The following CARNS1 variants were observed in gnomAD, a reference collection of about 807,000 sequenced individuals.
CARNS1 encodes carnosine synthase 1.
In CARNS1, 61 loss-of-function variants were observed where a neutral mutation model predicts 74.0. The observed-to-expected ratio is 0.82, with a 90% CI of 0.67 to 1.02. CARNS1 has a LOEUF of 1.02. Ranked by LOEUF, CARNS1 falls within the 50% of genes least tolerant of loss-of-function variation. The pLI, the probability that CARNS1 is intolerant of heterozygous loss-of-function variation, is 0.00. For synonymous variants in CARNS1, 568 were observed against 605.5 expected, an observed-to-expected ratio of 0.94 and a Z score of 0.91; for missense variants, 1,278 against 1,308.4, an observed-to-expected ratio of 0.98 and a Z score of 0.36.
At position 67,420,642 on chromosome 11, in the gene CARNS1, C is replaced by A; in HGVS notation, c.1147C>A (p.Leu383Ile). 8.0e-7 allele frequency: 1 copy of A among 1,246,092 alleles called. No individual in the cohort carries two copies. The highest frequency in any genetic ancestry group is 1.0e-6 in the Non-Finnish European group (1 of 996,112). The allele number at this position is 1,246,092 out of a possible 1,614,324, so 77.2% of individuals were successfully genotyped here. ...VCGVGRGDRP[L>I]RHHNSLPRTL... ...CGGCGTGGGCCGCGGGGACCGCCCTCTACGGCACCACAACTCCCTGCCGAG... is the reference window on the plus strand; with the variant it reads ...CGGCGTGGGCCGCGGGGACCGCCCTATACGGCACCACAACTCCCTGCCGAG... The change falls in exon 8 of 10, where the codon CTA becomes ATA. Residue 383 changes from leucine to isoleucine, a missense_variant. Leu to Ile is a conservative substitution (Grantham distance 5). Around this residue, in one of 3 missense-constraint regions of CARNS1, gnomAD observed 1,164 missense variants for 1,156.5 expected, o/e 1.01. Transcript: ENST00000687366.
chr11:67,416,829 A>AG (rs1364946376), intron 2 of CARNS1: 5 of 986,390 alleles, frequency 5.1e-6, no homozygotes, highest in Non-Finnish European at 4.8e-6. Context: ...AAATATCTGC[A>AG]GGGGGGATAC....
chr11:67,418,184 C>T lies in CARNS1; in HGVS notation c.275-247C>T, dbSNP rs117785057. Among the ~76,000 whole-genome samples, 540 of 152,290 alleles carry T rather than the reference C, an allele frequency of 3.5e-3. 3 individuals carry two copies. The highest frequency in any genetic ancestry group is 0.016 in the East Asian group (81 of 5,182). On this transcript the variant is annotated intron_variant, in intron 3 of 9. Coordinates refer to ENST00000687366, the MANE Select transcript of CARNS1 (RefSeq NM_001166222.2). The stretch of plus-strand genomic sequence containing the variant: ...CAAGGTTACACAGAAAGTCAGAGCT[C>T]GGGCTAGAACTCAGGTCTCCAGTCA...
chr11:67,422,291 C>A (rs1863730919), intron 9 of CARNS1, among the ~76,000 whole-genome samples: 1 of 144,192 alleles, frequency 6.9e-6, no homozygotes, highest in South Asian at 2.2e-4. Flanking sequence ...TCAAGTGATT[C>A]TCGTGCCTCA....
chr11:67,424,701 C>A lies in CARNS1; in HGVS notation c.*100C>A. ...TGCTTCTCTCCCCATCACCATGCCC[C>A]AGCCCCAGCCTGGCCCGCTGCAATG... is the stretch of plus-strand genomic sequence containing the variant. On this transcript the variant is annotated 3_prime_UTR_variant, in exon 10 of 10. Transcript: ENST00000687366. 7.6e-7 allele frequency: 1 copy of A among 1,314,694 alleles called. No individual in the cohort carries two copies. Among genetic ancestry groups the A allele is most frequent in the Non-Finnish European group, 1.0e-6 (1 of 980,446 alleles). 81.4% of individuals were successfully genotyped at this position (1,314,694 alleles called of 1,614,324 possible).
chr11:67,421,279 AC>A, intron 9 of CARNS1, 60 bp downstream of exon 9: 1 of 1,367,486 alleles, frequency 7.3e-7, no homozygotes, highest in Non-Finnish European at 9.4e-7. Flanking sequence ...TGGAGGCGGG[AC>A]CCCGGGGCGG....
At position 67,421,178 on chromosome 11, in the gene CARNS1, A is replaced by G; in HGVS notation, c.1585A>G (p.Lys529Glu). The change falls in exon 9 of 10, where the codon AAG (lysine) becomes GAG (glutamate). Residue 529 changes from lysine to glutamate, a missense_variant. Lys to Glu is a moderately conservative substitution (Grantham distance 56). Coordinates refer to ENST00000687366, the MANE Select transcript of CARNS1 (RefSeq NM_001166222.2). ...GGTGGTCGGCGCTGGCGGCGTCAGC[A>G]AGAAGTTCGTGTGGGAGGCGGCGCG... ...LLVVGAGGVS[K>E]KFVWEAARDY... 1 of 1,496,492 alleles carries G rather than the reference A, an allele frequency of 6.7e-7. No homozygotes were observed. 92.7% of individuals were successfully genotyped at this position (1,496,492 alleles called of 1,614,324 possible).
chr11:67,420,709 A>G lies in CARNS1; in HGVS notation c.1214A>G (p.Glu405Gly). ...VALAQCGLGEEAQVAAVRQRV... is the reference protein window; with the variant it reads ...VALAQCGLGEGAQVAAVRQRV... ...CTGGCCCAGTGCGGCCTGGGCGAGG[A>G]GGCGCAGGTGGCGGCTGTGCGGCAG... Residue 405 changes from glutamate (E) to glycine (G), a missense_variant, in exon 8 of 10, where the codon GAG becomes GGG. This residue lies in a region of CARNS1 where 1,164 missense variants were observed against 1,156.5 expected (regional missense o/e 1.01). Transcript: ENST00000687366. The G allele has an allele frequency of 7.9e-7, 1 of 1,266,424 alleles. No individual in the cohort carries two copies. Among genetic ancestry groups the G allele is most frequent in the South Asian group, 3.2e-5 (1 of 31,702 alleles). The allele number at this position is 1,266,424 out of a possible 1,614,324, so 78.4% of individuals were successfully genotyped here. A position where few individuals can be genotyped will look rare whatever the true frequency, so the allele number is the denominator to read the frequency against.
chr11:67,421,189 G>C lies in CARNS1; in HGVS notation c.1596G>C (p.Val532=). The C allele has an allele frequency of 6.7e-7, 1 of 1,494,734 alleles. No individual in the cohort carries two copies. The highest frequency in any genetic ancestry group is 8.9e-7 in the Non-Finnish European group (1 of 1,128,158). The allele number at this position is 1,494,734 out of a possible 1,614,324, so 92.6% of individuals were successfully genotyped here. Residue 532 remains valine (V), a synonymous_variant, in exon 9 of 10, where the codon GTG becomes GTC. Transcript: ENST00000687366. The part of the protein sequence containing the change: ...VGAGGVSKKF[V]WEAARDYGLQ... ...CTGGCGGCGTCAGCAAGAAGTTCGT[G>C]TGGGAGGCGGCGCGCGACTACGGGC...
At chr11:67,420,462 G>A (rs1863665349) in intron 7 of CARNS1, 147 bp from the exon 8 acceptor site, 10 of 435,934 alleles carry the variant, frequency 2.3e-5, no homozygotes, top group Admixed American at 4.4e-5. Context: ...GGCAGGGAGA[G>A]CTCGTGTGCA....
Position 67,424,648 on chromosome 11 carries a change from GGTGCCCTCT to G in CARNS1, c.*49_*57del. On this transcript the variant is annotated 3_prime_UTR_variant, in exon 10 of 10. Transcript: ENST00000687366. ...AAGCAGTGCTGGGTGGAGGCACTGT[GGTGCCCTCT>G]GCTCCCTGGAGCTCTTCCTGCTTCT... 1 of 1,538,656 alleles carries G rather than the reference GGTGCCCTCT, an allele frequency of 6.5e-7. No individual in the cohort carries two copies. Among genetic ancestry groups the G allele is most frequent in the Non-Finnish European group, 8.8e-7 (1 of 1,142,282 alleles).
rs749441377 is a variant in CARNS1 at position 67,419,488 on chromosome 11, T to C, written c.854T>C (p.Val285Ala). 4.3e-6 allele frequency: 7 copies of C among 1,612,130 alleles called. No individual in the cohort carries two copies. Among genetic ancestry groups the C allele is most frequent in the Middle Eastern group, 1.7e-4 (1 of 6,038 alleles). Residue 285 changes from valine (V) to alanine (A), a missense_variant and splice_region_variant, in exon 6 of 10, where the codon GTA becomes GCA. Transcript: ENST00000687366. ...GCCCCTTTCCCCTCCTTGCTGCAGG[T>C]AGCTGTGAAGCTCAGTGGCTGGCGC... Reference protein sequence around the residue: ...RSEALGDILQVAVKLSGWRWR... With the variant: ...RSEALGDILQAAVKLSGWRWR...
rs1179019591 is a variant in CARNS1 at position 67,420,110 on chromosome 11, G to A, written c.1113+272G>A. Among the ~76,000 whole-genome samples the A allele has an allele frequency of 6.6e-5, 10 of 152,286 alleles. No individual in the cohort carries two copies. The East Asian group carries it at 1.7e-3, about 26-fold the overall frequency. ...CCCAGGGGGCTGAATTGTCTTCCCA[G>A]AGAGCTCTTGCCCACGTAGAGGCTG... On this transcript the variant is annotated intron_variant, in intron 7 of 9. Transcript: ENST00000687366.
Position 67,424,085 on chromosome 11 carries a change from G to A in CARNS1, c.2337G>A (p.Met779Ile). Residue 779 changes from methionine (M) to isoleucine (I), a missense_variant, in exon 10 of 10, where the codon ATG becomes ATA. By Grantham distance (10) the Met-to-Ile change is conservative. Around this residue, in one of 3 missense-constraint regions of CARNS1, gnomAD observed 1,164 missense variants for 1,156.5 expected, o/e 1.01. Transcript: ENST00000687366. ...TGLAPEQEAQMVQAAFRCCLG... is the reference protein window; with the variant it reads ...TGLAPEQEAQIVQAAFRCCLG... ...TGGCACCAGAGCAGGAGGCACAGAT[G>A]GTTCAGGCAGCCTTCCGCTGTTGCC... is the stretch of plus-strand genomic sequence containing the variant. 6.2e-7 allele frequency: 1 copy of A among 1,613,574 alleles called. No homozygotes were observed. Among genetic ancestry groups the A allele is most frequent in the Non-Finnish European group, 8.5e-7 (1 of 1,179,792 alleles).
At position 67,423,190 on chromosome 11, in the gene CARNS1, C is replaced by T. The variant is rs539212817; in HGVS notation, c.1627-185C>T. 7.9e-5 allele frequency among the ~76,000 whole-genome samples: 12 copies of T among 152,324 alleles called. No individual in the cohort carries two copies. The highest frequency in any genetic ancestry group is 1.3e-4 in the Admixed American group (2 of 15,300). On this transcript the variant is annotated intron_variant, in intron 9 of 9. Transcript: ENST00000687366. The surrounding 1 kb of genome is among the most constrained non-coding windows in gnomAD (Gnocchi z 5.1). ...CCTCTAGGATGCCTTCCCTCCCCTC[C>T]GGCCTGTATCAGGTGTCCCACTTCT...
rs1357642374 is a variant in CARNS1, at chr11:67,421,036, G to C, written c.1443G>C (p.Glu481Asp). ...GLCLEACGAL[E>D]GLWAAPRLGP... ...GTCTGGAGGCGTGCGGCGCGCTGGA[G>C]GGGCTGTGGGCCGCGCCGCGGCTGG... The change falls in exon 9 of 10, where the codon GAG (glutamate) becomes GAC (aspartate). Residue 481 changes from glutamate to aspartate, a missense_variant. Around this residue, in one of 3 missense-constraint regions of CARNS1, gnomAD observed 1,164 missense variants for 1,156.5 expected, o/e 1.01. Transcript: ENST00000687366. 2 of 1,358,080 alleles carry C rather than the reference G, an allele frequency of 1.5e-6. No individual in the cohort carries two copies. Among genetic ancestry groups the C allele is most frequent in the East Asian group, 6.3e-5 (2 of 31,858 alleles). 84.1% of individuals were successfully genotyped at this position (1,358,080 alleles called of 1,614,324 possible). A position where few individuals can be genotyped will look rare whatever the true frequency, so the allele number is the denominator to read the frequency against.
intron 1 of CARNS1, 129 bp from the exon 2 acceptor site, chr11:67,416,047 C>T (rs1863537912): frequency 2.9e-6 from 2 of 689,494 alleles, no homozygotes; most frequent in Non-Finnish European, 2.6e-6. Context: ...GTGGGGCTGC[C>T]TTGGCCTCTC....
intron 2 of CARNS1, 166 bp from the exon 3 acceptor site, chr11:67,417,241 T>C (rs1590956617): frequency 7.3e-6 from 9 of 1,235,280 alleles, no homozygotes; most frequent in Admixed American, 4.2e-5. Context: ...TGCGTTCCCA[T>C]TAACAAGCCT....
Position 67,418,512 on chromosome 11 carries a change from A to G in CARNS1, c.356A>G (p.Gln119Arg). 1 of 1,525,334 alleles carries G rather than the reference A, an allele frequency of 6.6e-7. No individual in the cohort carries two copies. Among genetic ancestry groups the G allele is most frequent in the Non-Finnish European group, 8.8e-7 (1 of 1,140,334 alleles). 94.5% of individuals were successfully genotyped at this position (1,525,334 alleles called of 1,614,324 possible). The change falls in exon 4 of 10, where the codon CAG (glutamine) becomes CGG (arginine). Residue 119 changes from glutamine to arginine, a missense_variant. This residue lies in a region of CARNS1 where 1,164 missense variants were observed against 1,156.5 expected (regional missense o/e 1.01). Transcript: ENST00000687366. ...CCTGTGCTGCTGGAGGGTGGGGTCC[A>G]GAGCCCGGGTGAGTGTATGCTCAAG... ...FLPVLLEGGV[Q>R]SPGNMLLCLS...
rs1183737010 is a variant in CARNS1, at chr11:67,424,007, C to T, written c.2259C>T (p.Gly753=). The part of the protein sequence containing the change: ...RLLAAFVSDN[G]PTRLPGFTET... The stretch of plus-strand genomic sequence containing the variant: ...TGGCTGCCTTTGTCTCCGACAATGG[C>T]CCTACGAGGCTGCCTGGCTTCACTG... Residue 753 remains glycine (G), a synonymous_variant, in exon 10 of 10, where the codon GGC becomes GGT. Transcript: ENST00000687366. 6.2e-7 allele frequency: 1 copy of T among 1,612,888 alleles called. No homozygotes were observed. The highest frequency in any genetic ancestry group is 2.2e-5 in the East Asian group (1 of 44,900).
Sources: allele counts gnomAD v4.1 joint callset (sites outside exome capture counted in the v4.1 genomes callset), GRCh38; gene constraint gnomAD v4.1.1; regional missense constraint gnomAD v4.1.1; non-coding constraint Gnocchi (gnomAD v3.1); transcripts MANE v1.5; gene names NCBI Gene and HGNC (gene_info 2026-07-23, HGNC 2026-07-21).